LKAAEAR1: variants seen among roughly 807,000 people sequenced by gnomAD.
LKAAEAR1 encodes the protein protein LKAAEAR1.
Under a neutral mutation model 16.5 loss-of-function variants are expected in LKAAEAR1, and 19 were observed. The observed-to-expected ratio is 1.15, with a 90% CI of 0.80 to 1.69. The LOEUF is 1.69. Among genes scored for constraint, LKAAEAR1 ranks in the 40% most tolerant of loss-of-function variants. The pLI, the probability that LKAAEAR1 is intolerant of heterozygous loss-of-function variation, is 0.00. For missense variants in LKAAEAR1, 304 were observed against 315.8 expected, an observed-to-expected ratio of 0.96 and a Z score of 0.28; for synonymous variants, 124 against 152.7, an observed-to-expected ratio of 0.81 and a Z score of 1.39.
At position 64,083,853 on chromosome 20, in the gene LKAAEAR1, C is replaced by G. The variant is rs1470195550; in HGVS notation, c.367G>C (p.Val123Leu). 7 of 1,409,436 alleles carry G rather than the reference C, an allele frequency of 5.0e-6. No homozygotes were observed. The highest frequency in any genetic ancestry group is 3.1e-5 in the East Asian group (1 of 32,448). 87.3% of individuals were successfully genotyped at this position (1,409,436 alleles called of 1,614,324 possible). A position where few individuals can be genotyped will look rare whatever the true frequency, so the allele number is the denominator to read the frequency against. ...GTGTAGCGCAGCCGCAGGGCGCGGA[C>G]TCGCCCGCGGGCCTCCGCTGCCTTG... The part of the protein sequence containing the change: ...VLKAAEARGR[V>L]RALRLRYTRM... Residue 123 changes from valine to leucine, a missense_variant, in exon 1 of 3, where the codon GTC becomes CTC. Coordinates refer to ENST00000302096, the MANE Select transcript of LKAAEAR1 (RefSeq NM_001353425.2). This position sits in a 1 kb window ranked among gnomAD's most constrained non-coding sequence, Gnocchi z 4.9.
In LKAAEAR1 at chr20:64,083,442, G is replaced by A. The variant is rs572576178; in HGVS notation, c.578C>T (p.Pro193Leu). ...LEENVDGTIF[P>L]R ...GCACACTCTCAGTCGCCGTCACCGCGGGAAGATGGTGCCATCCACGTTCTC... is the reference window on the plus strand; with the variant it reads ...GCACACTCTCAGTCGCCGTCACCGCAGGAAGATGGTGCCATCCACGTTCTC... Residue 193 changes from proline (P) to leucine (L), a missense_variant, in exon 3 of 3, where the codon CCG becomes CTG. Transcript: ENST00000302096. The surrounding 1 kb of genome is among the most constrained non-coding windows in gnomAD (Gnocchi z 4.9). 2 of 1,610,862 alleles carry A rather than the reference G, an allele frequency of 1.2e-6. No homozygotes were observed. The highest frequency in any genetic ancestry group is 1.3e-5 in the African/African-American group (1 of 74,950).
rs2060004000 is a variant in LKAAEAR1, at chr20:64,083,847, C to T, written c.373G>A (p.Ala125Thr). 4 of 1,405,486 alleles carry T rather than the reference C, an allele frequency of 2.8e-6. No individual in the cohort carries two copies. The highest frequency in any genetic ancestry group is 1.5e-5 in the African/African-American group (1 of 66,202). The allele number at this position is 1,405,486 out of a possible 1,614,324, so 87.1% of individuals were successfully genotyped here. A position where few individuals can be genotyped will look rare whatever the true frequency, so the allele number is the denominator to read the frequency against. The change falls in exon 1 of 3, where the codon GCC becomes ACC. Residue 125 changes from alanine to threonine, a missense_variant. Transcript: ENST00000302096. The surrounding 1 kb of genome is among the most constrained non-coding windows in gnomAD (Gnocchi z 4.9). ...ATGCGGGTGTAGCGCAGCCGCAGGG[C>T]GCGGACTCGCCCGCGGGCCTCCGCT... ...KAAEARGRVR[A>T]LRLRYTRMRA...
chr20:64,083,538 C>A lies in LKAAEAR1; in HGVS notation c.526-44G>T, dbSNP rs1425068299. ...GGGGTCCGGCGTGTGCGGAGGCGGG[C>A]AGGGCCCCTCCCCTTTCCCCGCCCC... is the stretch of plus-strand genomic sequence containing the variant. On this transcript the variant is annotated intron_variant, in intron 2 of 2. Transcript: ENST00000302096. This position sits in a 1 kb window ranked among gnomAD's most constrained non-coding sequence, Gnocchi z 4.9. The A allele has an allele frequency of 6.5e-7, 1 of 1,548,316 alleles. No individual in the cohort carries two copies. The highest frequency in any genetic ancestry group is 1.9e-5 in the Admixed American group (1 of 51,416).
chr20:64,084,242 A>G lies in LKAAEAR1; in HGVS notation c.-23T>C, dbSNP rs2060015697. ...CATCCTCCCGCCCTGCGGAGGGAGG[A>G]GGGCGTCCCGTCGGTGCCGGGGCTG... On this transcript the variant is annotated 5_prime_UTR_variant, in exon 1 of 3. Transcript: ENST00000302096. 7.4e-7 allele frequency: 1 copy of G among 1,358,816 alleles called. No homozygotes were observed. The highest frequency in any genetic ancestry group is 4.0e-5 in the Admixed American group (1 of 25,272). The allele number at this position is 1,358,816 out of a possible 1,614,324, so 84.2% of individuals were successfully genotyped here.
At position 64,083,428 on chromosome 20, in the gene LKAAEAR1, GTC is replaced by G; in HGVS notation, c.*5_*6del. ...GGCTGGGGCGCGTCGCACACTCTCA[GTC>G]GCCGTCACCGCGGGAAGATGGTGCC... is the stretch of plus-strand genomic sequence containing the variant. On this transcript the variant is annotated 3_prime_UTR_variant, in exon 3 of 3. Transcript: ENST00000302096. The surrounding 1 kb of genome is among the most constrained non-coding windows in gnomAD (Gnocchi z 4.9). The G allele has an allele frequency of 6.2e-7, 1 of 1,611,778 alleles. No homozygotes were observed. Among genetic ancestry groups the G allele is most frequent in the Non-Finnish European group, 8.5e-7 (1 of 1,179,584 alleles).
At position 64,083,672 on chromosome 20, in the gene LKAAEAR1, T is replaced by C; in HGVS notation, c.436A>G (p.Lys146Glu). ...EEIALLIQRQ[K>E]SARAAIRLEL... ...AGCCGGATGGCGGCGCGCGCGGACTTCTGCCGCTGGATGAGCAGCGCGATC... is the reference window on the plus strand; with the variant it reads ...AGCCGGATGGCGGCGCGCGCGGACTCCTGCCGCTGGATGAGCAGCGCGATC... Residue 146 changes from lysine (K) to glutamate (E), a missense_variant, in exon 2 of 3, where the codon AAG becomes GAG. Transcript: ENST00000302096. This position sits in a 1 kb window ranked among gnomAD's most constrained non-coding sequence, Gnocchi z 4.9. 2 of 1,431,602 alleles carry C rather than the reference T, an allele frequency of 1.4e-6. No individual in the cohort carries two copies. Among genetic ancestry groups the C allele is most frequent in the Non-Finnish European group, 1.8e-6 (2 of 1,099,816 alleles). 88.7% of individuals were successfully genotyped at this position (1,431,602 alleles called of 1,614,324 possible).
At position 64,084,009 on chromosome 20, in the gene LKAAEAR1, C is replaced by T. The variant is rs2060008408; in HGVS notation, c.211G>A (p.Asp71Asn). Residue 71 changes from aspartate (D) to asparagine (N), a missense_variant, in exon 1 of 3, where the codon GAC becomes AAC. Physicochemically the swap from Asp to Asn is conservative, Grantham distance 23 (BLOSUM62 1). Transcript: ENST00000302096. ...AAGGTGGAGGCCGCCGCGCCCACGT[C>T]CTCCAGCAGGTCGCCGAAGAGCAGA... ...RHLLFGDLLE[D>N]VGAAASTFPC... 6 of 1,501,484 alleles carry T rather than the reference C, an allele frequency of 4.0e-6. No individual in the cohort carries two copies. The East Asian group carries it at 1.7e-4, about 43-fold the overall frequency. The allele number at this position is 1,501,484 out of a possible 1,614,324, so 93.0% of individuals were successfully genotyped here.
In LKAAEAR1 at chr20:64,084,392, C is replaced by T; in HGVS notation, c.-173G>A. ...CTCTGAGCTTTGCCCAGGCGCTCTC[C>T]CTCTCCCAAGCGCACGTCCCCAGCA... is the stretch of plus-strand genomic sequence containing the variant. On this transcript the variant is annotated 5_prime_UTR_variant, in exon 1 of 3. Transcript: ENST00000302096. 7.8e-7 allele frequency: 1 copy of T among 1,274,018 alleles called. No individual in the cohort carries two copies. The highest frequency in any genetic ancestry group is 3.3e-5 in the East Asian group (1 of 30,468). 78.9% of individuals were successfully genotyped at this position (1,274,018 alleles called of 1,614,324 possible).
At position 64,083,559 on chromosome 20, in the gene LKAAEAR1, G is replaced by A; in HGVS notation, c.525+24C>T. 6.5e-7 allele frequency: 1 copy of A among 1,529,386 alleles called. No individual in the cohort carries two copies. Among genetic ancestry groups the A allele is most frequent in the Non-Finnish European group, 8.8e-7 (1 of 1,137,958 alleles). The allele number at this position is 1,529,386 out of a possible 1,614,324, so 94.7% of individuals were successfully genotyped here. A position where few individuals can be genotyped will look rare whatever the true frequency, so the allele number is the denominator to read the frequency against. ...CGGGCAGGGCCCCTCCCCTTTCCCC[G>A]CCCCTACCGGGGCTTGTCTGCACCT... On this transcript the variant is annotated intron_variant, in intron 2 of 2. Transcript: ENST00000302096. This position sits in a 1 kb window ranked among gnomAD's most constrained non-coding sequence, Gnocchi z 4.9.
chr20:64,084,303 A>G lies in LKAAEAR1; in HGVS notation c.-84T>C, dbSNP rs939780839. The G allele has an allele frequency of 6.2e-6, 8 of 1,299,274 alleles. No individual in the cohort carries two copies. Among genetic ancestry groups the G allele is most frequent in the Middle Eastern group, 2.9e-4 (1 of 3,450 alleles). 80.5% of individuals were successfully genotyped at this position (1,299,274 alleles called of 1,614,324 possible). The stretch of plus-strand genomic sequence containing the variant: ...CTGCCCGCCCCTCGGCAGGGCCCCA[A>G]CGTGCGCCCCAGCTCCCGCCCGCTG... On this transcript the variant is annotated 5_prime_UTR_variant, in exon 1 of 3. Coordinates refer to ENST00000302096, the MANE Select transcript of LKAAEAR1 (RefSeq NM_001353425.2).
In LKAAEAR1 at chr20:64,083,781, G is replaced by T. The variant is rs560944241; in HGVS notation, c.402+37C>A. The T allele has an allele frequency of 1.3e-5, 17 of 1,306,364 alleles. No homozygotes were observed. In the East Asian group the frequency reaches 3.8e-4, roughly 29 times the overall value. The allele number at this position is 1,306,364 out of a possible 1,614,324, so 80.9% of individuals were successfully genotyped here. On this transcript the variant is annotated intron_variant, in intron 1 of 2. Transcript: ENST00000302096. The surrounding 1 kb of genome is among the most constrained non-coding windows in gnomAD (Gnocchi z 4.9). ...CCGGCCGGCTCCGCTCAACGCTCCC[G>T]GTGCGCCCCCTCTGCCCTCCGACCC... is the stretch of plus-strand genomic sequence containing the variant.
chr20:64,083,942 G>T lies in LKAAEAR1; in HGVS notation c.278C>A (p.Pro93Gln). 6.9e-7 allele frequency: 1 copy of T among 1,457,982 alleles called. No individual in the cohort carries two copies. The highest frequency in any genetic ancestry group is 9.0e-7 in the Non-Finnish European group (1 of 1,110,476). The allele number at this position is 1,457,982 out of a possible 1,614,324, so 90.3% of individuals were successfully genotyped here. A position where few individuals can be genotyped will look rare whatever the true frequency, so the allele number is the denominator to read the frequency against. ...CTCGAGCGACTGCGTCCACGGGCGCGGGTCGGGCATGCGGTACCCCGGTTC... is the reference window on the plus strand; with the variant it reads ...CTCGAGCGACTGCGTCCACGGGCGCTGGTCGGGCATGCGGTACCCCGGTTC... Reference protein sequence around the residue: ...SVEPGYRMPDPRPWTQSLELP... With the variant: ...SVEPGYRMPDQRPWTQSLELP... Residue 93 changes from proline (P) to glutamine (Q), a missense_variant, in exon 1 of 3, where the codon CCG (proline) becomes CAG (glutamine). Coordinates refer to ENST00000302096, the MANE Select transcript of LKAAEAR1 (RefSeq NM_001353425.2). The surrounding 1 kb of genome is among the most constrained non-coding windows in gnomAD (Gnocchi z 4.9).
Position 64,083,746 on chromosome 20 carries a change from C to G in LKAAEAR1, c.403-41G>C. ...AGCTGAGCGCGCGCCGAGCCCCGCCCCGCCCCGCCCCGGCCGGCTCCGCTC... is the reference window on the plus strand; with the variant it reads ...AGCTGAGCGCGCGCCGAGCCCCGCCGCGCCCCGCCCCGGCCGGCTCCGCTC... On this transcript the variant is annotated intron_variant, in intron 1 of 2. Transcript: ENST00000302096. The surrounding 1 kb of genome is among the most constrained non-coding windows in gnomAD (Gnocchi z 4.9). 7.5e-7 allele frequency: 1 copy of G among 1,337,944 alleles called. No individual in the cohort carries two copies. Among genetic ancestry groups the G allele is most frequent in the Non-Finnish European group, 9.5e-7 (1 of 1,050,622 alleles). 82.9% of individuals were successfully genotyped at this position (1,337,944 alleles called of 1,614,324 possible). A position where few individuals can be genotyped will look rare whatever the true frequency, so the allele number is the denominator to read the frequency against.
rs1278360912 is a variant in LKAAEAR1 at position 64,083,837 on chromosome 20, A to C, written c.383T>G (p.Leu128Arg). ...EARGRVRALR[L>R]RYTRMRAEEI... ...CCTCACCCGCATGCGGGTGTAGCGCAGCCGCAGGGCGCGGACTCGCCCGCG... is the reference window on the plus strand; with the variant it reads ...CCTCACCCGCATGCGGGTGTAGCGCCGCCGCAGGGCGCGGACTCGCCCGCG... Residue 128 changes from leucine to arginine, a missense_variant, in exon 1 of 3, where the codon CTG (leucine) becomes CGG (arginine). Physicochemically the swap from Leu to Arg is moderately radical, Grantham distance 102. Transcript: ENST00000302096. The surrounding 1 kb of genome is among the most constrained non-coding windows in gnomAD (Gnocchi z 4.9). 7 of 1,391,186 alleles carry C rather than the reference A, an allele frequency of 5.0e-6. No individual in the cohort carries two copies. The highest frequency in any genetic ancestry group is 1.5e-5 in the African/African-American group (1 of 65,660). The allele number at this position is 1,391,186 out of a possible 1,614,324, so 86.2% of individuals were successfully genotyped here.
At position 64,083,907 on chromosome 20, in the gene LKAAEAR1, C is replaced by T. The variant is rs570004694; in HGVS notation, c.313G>A (p.Glu105Lys). 6.2e-6 allele frequency: 9 copies of T among 1,446,554 alleles called. No individual in the cohort carries two copies. The highest frequency in any genetic ancestry group is 2.4e-4 in the Middle Eastern group (1 of 4,152). The allele number at this position is 1,446,554 out of a possible 1,614,324, so 89.6% of individuals were successfully genotyped here. A position where few individuals can be genotyped will look rare whatever the true frequency, so the allele number is the denominator to read the frequency against. Residue 105 changes from glutamate to lysine, a missense_variant, in exon 1 of 3, where the codon GAG becomes AAG. Physicochemically the swap from Glu to Lys is moderately conservative, Grantham distance 56. Transcript: ENST00000302096. The surrounding 1 kb of genome is among the most constrained non-coding windows in gnomAD (Gnocchi z 4.9). Reference protein sequence around the residue: ...PWTQSLELPAERQNRLLGVLK... With the variant: ...PWTQSLELPAKRQNRLLGVLK... ...ACGCCGAGGAGCCGGTTCTGGCGCT[C>T]GGCGGGCAGCTCGAGCGACTGCGTC...
Position 64,083,706 on chromosome 20 carries a change from C to A in LKAAEAR1, c.403-1G>T. ...GGATGAGCAGCGCGATCTCCTCGGC[C>A]TGCGGGGCCCGGGTAGCTGAGCGCG... On this transcript the variant is annotated splice_acceptor_variant, in intron 1 of 2. Coordinates refer to ENST00000302096, the MANE Select transcript of LKAAEAR1 (RefSeq NM_001353425.2). LOFTEE classifies it high-confidence loss of function. The surrounding 1 kb of genome is among the most constrained non-coding windows in gnomAD (Gnocchi z 4.9). 1 of 1,383,958 alleles carries A rather than the reference C, an allele frequency of 7.2e-7. No individual in the cohort carries two copies. Among genetic ancestry groups the A allele is most frequent in the Non-Finnish European group, 9.3e-7 (1 of 1,078,116 alleles). 85.7% of individuals were successfully genotyped at this position (1,383,958 alleles called of 1,614,324 possible).
chr20:64,083,806 C>T lies in LKAAEAR1; in HGVS notation c.402+12G>A. 7.4e-7 allele frequency: 1 copy of T among 1,349,724 alleles called. No homozygotes were observed. Among genetic ancestry groups the T allele is most frequent in the Non-Finnish European group, 9.5e-7 (1 of 1,057,336 alleles). 83.6% of individuals were successfully genotyped at this position (1,349,724 alleles called of 1,614,324 possible). A position where few individuals can be genotyped will look rare whatever the true frequency, so the allele number is the denominator to read the frequency against. On this transcript the variant is annotated intron_variant, in intron 1 of 2. Transcript: ENST00000302096. This position sits in a 1 kb window ranked among gnomAD's most constrained non-coding sequence, Gnocchi z 4.9. The stretch of plus-strand genomic sequence containing the variant: ...GGTGCGCCCCCTCTGCCCTCCGACC[C>T]CCTCGCCTCACCCGCATGCGGGTGT...
chr20:64,084,045 G>C lies in LKAAEAR1; in HGVS notation c.175C>G (p.Arg59Gly). 1 of 1,501,724 alleles carries C rather than the reference G, an allele frequency of 6.7e-7. No homozygotes were observed. 93.0% of individuals were successfully genotyped at this position (1,501,724 alleles called of 1,614,324 possible). The stretch of plus-strand genomic sequence containing the variant: ...TCGCCGAAGAGCAGATGGCGGTGGC[G>C]CTGCGCAGGGAGCATGGCCGCCAGT... The part of the protein sequence containing the change: ...QGLAAMLPAQ[R>G]HRHLLFGDLL... The change falls in exon 1 of 3, where the codon CGC (arginine) becomes GGC (glycine). Residue 59 changes from arginine to glycine, a missense_variant. Coordinates refer to ENST00000302096, the MANE Select transcript of LKAAEAR1 (RefSeq NM_001353425.2).
rs546045372 is a variant in LKAAEAR1, at chr20:64,084,214, C to T, written c.6G>A (p.Pro2=). 187 of 1,413,688 alleles carry T rather than the reference C, an allele frequency of 1.3e-4. 4 individuals carry two copies. The South Asian group carries it at 2.4e-3, about 18-fold the overall frequency. The allele number at this position is 1,413,688 out of a possible 1,614,324, so 87.6% of individuals were successfully genotyped here. M[P]PPAKEGGRKG... ...TGCGCCCGCCCTCCTTCGCTGGCGG[C>T]GGCATCCTCCCGCCCTGCGGAGGGA... The change falls in exon 1 of 3, where the codon CCG becomes CCA. Residue 2 remains proline (P), a synonymous_variant. Transcript: ENST00000302096.
Sources: allele counts gnomAD v4.1 joint callset, GRCh38; gene constraint gnomAD v4.1.1; non-coding constraint Gnocchi (gnomAD v3.1); transcripts MANE v1.5; gene names NCBI Gene and HGNC (gene_info 2026-07-23, HGNC 2026-07-21).